The following KDM2B variants were observed in gnomAD, a reference collection of about 807,000 sequenced individuals.
KDM2B encodes lysine-specific demethylase 2B.
A neutral mutation model predicts 150.0 loss-of-function variants in KDM2B; 26 were observed. The observed-to-expected ratio is 0.17, with a 90% confidence interval of 0.13 to 0.24. The LOEUF is 0.24. Among genes scored for constraint, KDM2B ranks in the 10% least tolerant of loss-of-function variants. The pLI is 1.00. For missense variants in KDM2B, 1,265 were observed against 1,816.9 expected, an observed-to-expected ratio of 0.70 and a Z score of 5.52; for synonymous variants, 734 against 729.5, an observed-to-expected ratio of 1.01 and a Z score of -0.10.
intron 11 of KDM2B, among the ~76,000 whole-genome samples, chr12:121,509,113 C>T (rs1408680226): frequency 2.0e-5 from 3 of 152,112 alleles, no homozygotes; most frequent in Non-Finnish European, 4.4e-5. Flanking sequence ...GGCTGGAGTG[C>T]AGTGGTGCGA....
At chr12:121,446,115 G>A (rs1876126145) in intron 13 of KDM2B, among the ~76,000 whole-genome samples, 1 of 152,184 alleles carries the variant, frequency 6.6e-6, no homozygotes, top group South Asian at 2.1e-4. Context: ...AGATCACCAG[G>A]CCGGGCGCGG....
At chr12:121,547,281 G>GTC (rs1889128421) in intron 6 of KDM2B, among the ~76,000 whole-genome samples, 1 of 152,182 alleles carries the variant, frequency 6.6e-6, no homozygotes, top group Admixed American at 6.6e-5. Context: ...CTCGAGCCCA[G>GTC]TCTCTGCCTT....
At chr12:121,577,252 C>T (rs1891559982) in intron 2 of KDM2B, among the ~76,000 whole-genome samples, 1 of 151,118 alleles carries the variant, frequency 6.6e-6, no homozygotes, top group Non-Finnish European at 1.5e-5. Context: ...TCAGCTTCAA[C>T]TTCCTCAAAT....
At chr12:121,578,719 T>C in intron 2 of KDM2B, 83 bp downstream of exon 2, 1 of 981,798 alleles carries the variant, frequency 1.0e-6, no homozygotes, top group Non-Finnish European at 1.2e-6. Flanking sequence ...GGGCGCGAAA[T>C]ACGAACCCAG....
chr12:121,420,390 C>G, the KDM2B span: 1 of 1,553,952 alleles, frequency 6.4e-7, no homozygotes, highest in South Asian at 1.2e-5. Flanking sequence ...CAGGAAGGGA[C>G]AGTGCCCTGT....
intron 11 of KDM2B, among the ~76,000 whole-genome samples, chr12:121,505,341 A>G (rs561723221): frequency 1.8e-4 from 28 of 151,816 alleles, no homozygotes; most frequent in African/African-American, 6.5e-4. Flanking sequence ...TGGACACCTT[A>G]ACATGGTTAA....
chr12:121,443,370 T>G, intron 17 of KDM2B: 1 of 573,952 alleles, frequency 1.7e-6, no homozygotes, highest in Non-Finnish European at 3.1e-6. Context: ...CCAGCAGGAA[T>G]GGCTAGAGCT....
intron 8 of KDM2B, among the ~76,000 whole-genome samples, chr12:121,522,305 C>A (rs1443397565): frequency 1.3e-5 from 2 of 151,570 alleles, no homozygotes; most frequent in Admixed American, 1.3e-4. Flanking sequence ...CACCTGAGGT[C>A]GGGAGTTCGA....
rs1555288951 is a variant in KDM2B, at chr12:121,442,875, C to T, written c.2605-39G>A. The T allele has an allele frequency of 2.0e-6, 3 of 1,529,046 alleles. No individual in the cohort carries two copies. Among genetic ancestry groups the T allele is most frequent in the South Asian group, 2.5e-5 (2 of 78,606 alleles). 94.7% of individuals were successfully genotyped at this position (1,529,046 alleles called of 1,614,324 possible). On this transcript the variant is annotated intron_variant, in intron 18 of 22. Coordinates refer to ENST00000377071, the MANE Select transcript of KDM2B (RefSeq NM_032590.5). This position sits in a 1 kb window ranked among gnomAD's most constrained non-coding sequence, Gnocchi z 7.7. ...CGGAGACGCGTCAGCCTCTGGGGCT[C>T]AGGGCTGCGCCCGCCCAAGGCCTCC...
intron 11 of KDM2B, among the ~76,000 whole-genome samples, chr12:121,495,376 G>A (rs546378080): frequency 8.5e-5 from 13 of 152,156 alleles, no homozygotes; most frequent in Non-Finnish European, 1.8e-4. Flanking sequence ...GGCCAGGCTA[G>A]TCTCCAACTC....
chr12:121,447,478 C>T (rs1876467468), intron 13 of KDM2B, among the ~76,000 whole-genome samples: 1 of 151,998 alleles, frequency 6.6e-6, no homozygotes, highest in Non-Finnish European at 1.5e-5. Flanking sequence ...CTCCTGACCT[C>T]ATGATCCACC....
chr12:121,493,212 T>C (rs1302677250), intron 12 of KDM2B, among the ~76,000 whole-genome samples: 2 of 151,684 alleles, frequency 1.3e-5, no homozygotes, highest in African/African-American at 4.8e-5. Flanking sequence ...CTGGCTTCAG[T>C]GTTTTTTACA....
intron 6 of KDM2B, among the ~76,000 whole-genome samples, chr12:121,545,316 C>T (rs1888945218): frequency 6.6e-6 from 1 of 152,024 alleles, no homozygotes; most frequent in African/African-American, 2.4e-5. Flanking sequence ...GCTCTATTCG[C>T]CACACAATTC....
Position 121,442,025 on chromosome 12 carries a change from C to G in KDM2B, c.3284+132G>C. ...GAGGGGCCGCTGTAGCCAGCTGGAACGCTTTGCGGAGCACAATGAAGCCAT... is the reference window on the plus strand; with the variant it reads ...GAGGGGCCGCTGTAGCCAGCTGGAAGGCTTTGCGGAGCACAATGAAGCCAT... On this transcript the variant is annotated intron_variant, in intron 19 of 22. Transcript: ENST00000377071. The surrounding 1 kb of genome is among the most constrained non-coding windows in gnomAD (Gnocchi z 7.7). The G allele has an allele frequency of 1.4e-6, 1 of 732,678 alleles. No homozygotes were observed. The highest frequency in any genetic ancestry group is 2.3e-6 in the Non-Finnish European group (1 of 439,386). 45.4% of individuals were successfully genotyped at this position (732,678 alleles called of 1,614,324 possible).
At chr12:121,564,311 A>T (rs546225708) in intron 4 of KDM2B, among the ~76,000 whole-genome samples, 65 of 151,046 alleles carry the variant, frequency 4.3e-4, no homozygotes, top group African/African-American at 1.6e-3. Context: ...CAAAAAAATT[A>T]GCCGGGCGTG....
chr12:121,544,614 C>A lies in KDM2B; in HGVS notation c.683+4263G>T, dbSNP rs535898081. Among the ~76,000 whole-genome samples the A allele has an allele frequency of 1.3e-3, 187 of 146,940 alleles. 1 individual carries two copies. In the Middle Eastern group the frequency reaches 0.026, roughly 20 times the overall value. On this transcript the variant is annotated intron_variant, in intron 6 of 22. Coordinates refer to ENST00000377071, the MANE Select transcript of KDM2B (RefSeq NM_032590.5). ...AACACAGTGAGTCTCCGTCCCCCCC[C>A]AAAAAAAGAAAAAATCAGCCAGGTG...
chr12:121,503,126 C>T (rs1555302382), intron 11 of KDM2B, among the ~76,000 whole-genome samples: 3 of 151,428 alleles, frequency 2.0e-5, no homozygotes, highest in Admixed American at 1.3e-4. Flanking sequence ...TACAGGCGTG[C>T]GCCATCACGC....
chr12:121,430,012 C>T lies in KDM2B; in HGVS notation c.*276G>A. 1 of 1,005,050 alleles carries T rather than the reference C, an allele frequency of 9.9e-7. No homozygotes were observed. The highest frequency in any genetic ancestry group is 1.6e-6 in the Non-Finnish European group (1 of 626,894). The allele number at this position is 1,005,050 out of a possible 1,614,324, so 62.3% of individuals were successfully genotyped here. A position where few individuals can be genotyped will look rare whatever the true frequency, so the allele number is the denominator to read the frequency against. On this transcript the variant is annotated 3_prime_UTR_variant, in exon 23 of 23. Coordinates refer to ENST00000377071, the MANE Select transcript of KDM2B (RefSeq NM_032590.5). This position sits in a 1 kb window ranked among gnomAD's most constrained non-coding sequence, Gnocchi z 4.4. ...TTCAGTATGAGAATTTCTCCGAAGT[C>T]CACCCTCCTCTCCGACAGGAATGTC...
intron 12 of KDM2B, among the ~76,000 whole-genome samples, chr12:121,481,550 C>T (rs1228575907): frequency 6.7e-5 from 8 of 119,782 alleles, no homozygotes; most frequent in Non-Finnish European, 1.2e-4. Flanking sequence ...GGGGTGGGGG[C>T]GGGGAATGAC....
Sources: allele counts gnomAD v4.1 joint callset (sites outside exome capture counted in the v4.1 genomes callset), GRCh38; gene constraint gnomAD v4.1.1; non-coding constraint Gnocchi (gnomAD v3.1); transcripts MANE v1.5; gene names NCBI Gene and HGNC (gene_info 2026-07-23, HGNC 2026-07-21).